Variants in USP13 observed in about 807,000 individuals in gnomAD.
USP13 encodes the protein ubiquitin carboxyl-terminal hydrolase 13.
USP13 carries 68 observed loss-of-function variants against 107.8 expected under a neutral mutation model. That is an observed-to-expected ratio of 0.63 (90% CI 0.52 to 0.77). The LOEUF (loss-of-function observed/expected upper bound fraction) is 0.77. Among genes scored for constraint, USP13 ranks in the 30% least tolerant of loss-of-function variants. The probability of loss-of-function intolerance (pLI) is 0.00; values close to 1 mark genes in which losing one functional copy is unlikely to be tolerated. For missense variants in USP13, 945 were observed against 1,093.3 expected, an observed-to-expected ratio of 0.86 and a Z score of 1.91; for synonymous variants, 377 against 389.5, an observed-to-expected ratio of 0.97 and a Z score of 0.38.
At chr3:179,770,235 A>G (rs1448608876) in intron 19 of USP13, among the ~76,000 whole-genome samples, 1 of 152,188 alleles carries the variant, frequency 6.6e-6, no homozygotes, top group African/African-American at 2.4e-5. Context: ...TCACTTTACA[A>G]TATTGAGTTT....
intron 16 of USP13, among the ~76,000 whole-genome samples, chr3:179,759,528 G>A (rs1398180776): frequency 7.9e-5 from 12 of 152,158 alleles, no homozygotes; most frequent in African/African-American, 2.2e-4. Context: ...CAGAAACTCC[G>A]TTTTTGATTC....
intron 8 of USP13, among the ~76,000 whole-genome samples, chr3:179,722,508 TG>T (rs2108495735): frequency 6.6e-6 from 1 of 152,332 alleles, no homozygotes; most frequent in East Asian, 1.9e-4. Context: ...TTAATTATTA[TG>T]GGTACATAAC....
In USP13 at chr3:179,721,258, T is replaced by G; in HGVS notation, c.901-144T>G. Reference sequence around the variant, plus strand: ...TGCCACCATCACCGTCTCTCAGTCTTTTTTATTTGCATTGTTTATTTCTCT... The same window carrying G: ...TGCCACCATCACCGTCTCTCAGTCTGTTTTATTTGCATTGTTTATTTCTCT... On this transcript the variant is annotated intron_variant, in intron 7 of 20. Coordinates refer to ENST00000263966, the MANE Select transcript of USP13 (RefSeq NM_003940.3). This position sits in a 1 kb window ranked among gnomAD's most constrained non-coding sequence, Gnocchi z 4.3. 1.2e-6 allele frequency: 1 copy of G among 845,866 alleles called. No homozygotes were observed. Among genetic ancestry groups the G allele is most frequent in the African/African-American group, 2.0e-5 (1 of 50,252 alleles). The allele number at this position is 845,866 out of a possible 1,614,324, so 52.4% of individuals were successfully genotyped here.
chr3:179,653,371 G>A lies in USP13; in HGVS notation c.146G>A (p.Cys49Tyr). ...RSGDRVYKNECAFSYDSPNSE... is the reference protein window; with the variant it reads ...RSGDRVYKNEYAFSYDSPNSE... Reference sequence around the variant, plus strand: ...GGCGACAGGGTCTACAAGAACGAGTGCGCCTTCTCCTACGACTCTCCCGTA... The same window carrying A: ...GGCGACAGGGTCTACAAGAACGAGTACGCCTTCTCCTACGACTCTCCCGTA... Residue 49 changes from cysteine (C) to tyrosine (Y), a missense_variant, in exon 1 of 21, where the codon TGC becomes TAC. By Grantham distance (194) the Cys-to-Tyr change is radical (BLOSUM62 -2). Coordinates refer to ENST00000263966, the MANE Select transcript of USP13 (RefSeq NM_003940.3). This position sits in a 1 kb window ranked among gnomAD's most constrained non-coding sequence, Gnocchi z 4.0. 1.3e-6 allele frequency: 2 copies of A among 1,568,940 alleles called. No individual in the cohort carries two copies. The highest frequency in any genetic ancestry group is 1.7e-6 in the Non-Finnish European group (2 of 1,157,138).
In USP13 at chr3:179,761,016, T is replaced by C. The variant is rs1490260560; in HGVS notation, c.1949-96T>C. On this transcript the variant is annotated intron_variant, in intron 16 of 20. Transcript: ENST00000263966. ...ATCTACACCCAACAGAATAGCACTT[T>C]CTTTGGGTAGCATGTGGATAGGAGA... 4 of 1,467,342 alleles carry C rather than the reference T, an allele frequency of 2.7e-6. No homozygotes were observed. In the South Asian group the frequency reaches 5.0e-5, roughly 18 times the overall value. 90.9% of individuals were successfully genotyped at this position (1,467,342 alleles called of 1,614,324 possible).
chr3:179,784,246 T>A lies in USP13; in HGVS notation c.*105T>A. On this transcript the variant is annotated 3_prime_UTR_variant, in exon 21 of 21. Transcript: ENST00000263966. ...AAACAACTAGACATGAAGGAATATA[T>A]GGGGTATTTATCGTTTATTTAAAGA... The A allele has an allele frequency of 1.2e-6, 1 of 803,300 alleles. No individual in the cohort carries two copies. Among genetic ancestry groups the A allele is most frequent in the Non-Finnish European group, 2.0e-6 (1 of 491,754 alleles). The allele number at this position is 803,300 out of a possible 1,614,324, so 49.8% of individuals were successfully genotyped here. A position where few individuals can be genotyped will look rare whatever the true frequency, so the allele number is the denominator to read the frequency against.
intron 6 of USP13, among the ~76,000 whole-genome samples, chr3:179,711,649 A>G (rs928076036): frequency 5.9e-5 from 9 of 152,276 alleles, no homozygotes; most frequent in Admixed American, 4.6e-4. Context: ...CATCGGTATC[A>G]CTGTCTTCCA....
intron 1 of USP13, among the ~76,000 whole-genome samples, chr3:179,670,887 G>T (rs757977062): frequency 6.6e-6 from 1 of 151,808 alleles, no homozygotes; most frequent in Non-Finnish European, 1.5e-5. Context: ...TGGTAGAGAC[G>T]GGGTTTTACC....
At chr3:179,687,221 A>G (rs1263179204) in intron 2 of USP13, among the ~76,000 whole-genome samples, 1 of 152,078 alleles carries the variant, frequency 6.6e-6, no homozygotes, top group Non-Finnish European at 1.5e-5. Context: ...TTCCTCTTCA[A>G]TTCTGGAGAC....
chr3:179,770,238 T>C (rs1311886688), intron 19 of USP13, among the ~76,000 whole-genome samples: 1 of 152,222 alleles, frequency 6.6e-6, no homozygotes, highest in African/African-American at 2.4e-5. Context: ...CTTTACAATA[T>C]TGAGTTTTTC....
rs1714227132 is a variant in USP13 at position 179,742,229 on chromosome 3, T to C, written c.1413T>C (p.Asp471=). 2 of 1,614,210 alleles carry C rather than the reference T, an allele frequency of 1.2e-6. No homozygotes were observed. Among genetic ancestry groups the C allele is most frequent in the Non-Finnish European group, 1.7e-6 (2 of 1,180,048 alleles). ...RNRIGSENPS[D]VFRFLVEERI... ...GCATCGGCTCAGAAAACCCAAGCGATGTTTTTCGTTTTTTGGTGGAAGAAC... is the reference window on the plus strand; with the variant it reads ...GCATCGGCTCAGAAAACCCAAGCGACGTTTTTCGTTTTTTGGTGGAAGAAC... Residue 471 remains aspartate (D), a synonymous_variant, in exon 12 of 21, where the codon GAT becomes GAC. Coordinates refer to ENST00000263966, the MANE Select transcript of USP13 (RefSeq NM_003940.3). The surrounding 1 kb of genome is among the most constrained non-coding windows in gnomAD (Gnocchi z 5.0).
intron 1 of USP13, among the ~76,000 whole-genome samples, chr3:179,658,115 T>C (rs758457297): frequency 3.9e-5 from 6 of 152,092 alleles, no homozygotes; most frequent in Non-Finnish European, 8.8e-5. Context: ...CCACCACGCC[T>C]GGCTAATTTT....
rs368812196 is a variant in USP13, at chr3:179,655,877, C to T, written c.168+2484C>T. ...CAGTATTTTGTTATGGTATGTAACACTATACTATGAATCCAATAAGGGATT... is the reference window on the plus strand; with the variant it reads ...CAGTATTTTGTTATGGTATGTAACATTATACTATGAATCCAATAAGGGATT... On this transcript the variant is annotated intron_variant, in intron 1 of 20. Transcript: ENST00000263966. Among the ~76,000 whole-genome samples the T allele has an allele frequency of 1.6e-4, 24 of 152,258 alleles. No individual in the cohort carries two copies. The East Asian group carries it at 4.2e-3, about 27-fold the overall frequency.
rs73054616 is a variant in USP13, at chr3:179,701,435, G to T, written c.477+306G>T. 3.0e-3 allele frequency among the ~76,000 whole-genome samples: 453 copies of T among 152,172 alleles called. 2 individuals carry two copies. Among genetic ancestry groups the T allele is most frequent in the African/African-American group, 0.01 (430 of 41,510 alleles). On this transcript the variant is annotated intron_variant, in intron 4 of 20. Transcript: ENST00000263966. ...CTTCTTGCCTCCTAAATCACAATCT[G>T]TTCCTTAGATTTTCAAACTCTGCAC...
Position 179,708,849 on chromosome 3 carries a change from A to C in USP13, c.697A>C (p.Lys233Gln). The change falls in exon 6 of 21, where the codon AAG becomes CAG. Residue 233 changes from lysine to glutamine, a missense_variant. Transcript: ENST00000263966. ...GACTGACGGCTCTGTCCTGTGTGGA[A>C]AGTGGTTCTTTGACAGCTCTGGGGG... ...NLTDGSVLCG[K>Q]WFFDSSGGNG... 3 of 1,614,096 alleles carry C rather than the reference A, an allele frequency of 1.9e-6. No homozygotes were observed. In the East Asian group the frequency reaches 6.7e-5, roughly 36 times the overall value.
At chr3:179,773,775 A>G (rs759341205) in intron 19 of USP13, among the ~76,000 whole-genome samples, 3 of 152,228 alleles carry the variant, frequency 2.0e-5, no homozygotes, top group Non-Finnish European at 4.4e-5. Context: ...GTCTGTCAGG[A>G]CCATAAATCC....
intron 1 of USP13, among the ~76,000 whole-genome samples, chr3:179,658,102 C>G (rs1301005352): frequency 6.6e-6 from 1 of 152,088 alleles, no homozygotes; most frequent in Non-Finnish European, 1.5e-5. Context: ...TTACAGGTGC[C>G]CACCACCACG....
intron 1 of USP13, among the ~76,000 whole-genome samples, chr3:179,676,616 A>T (rs1338168314): frequency 6.6e-6 from 1 of 152,206 alleles, no homozygotes; most frequent in Non-Finnish European, 1.5e-5. Context: ...CTGACTCTGT[A>T]TGTGAAAGAC....
At chr3:179,775,478 C>T (rs892910699) in intron 19 of USP13, among the ~76,000 whole-genome samples, 3 of 152,258 alleles carry the variant, frequency 2.0e-5, no homozygotes, top group Non-Finnish European at 4.4e-5. Flanking sequence ...TGTGCCAGGG[C>T]CGTGGGTGGA....
Sources: gnomAD v4.1 joint callset for allele counts (sites outside exome capture counted in the v4.1 genomes callset) on GRCh38, gnomAD v4.1.1 for gene constraint, Gnocchi (gnomAD v3.1) non-coding constraint, MANE v1.5 for transcripts, NCBI Gene and HGNC (gene_info 2026-07-23, HGNC 2026-07-21) for gene names.